Variants in GLRA2 observed in about 807,000 individuals in gnomAD.
The protein encoded by GLRA2 is glycine receptor alpha 2, also known as glycine receptor subunit alpha-2.
In GLRA2, 11 loss-of-function variants were observed where a neutral mutation model predicts 31.6. The observed-to-expected ratio is 0.35, with a 90% CI of 0.22 to 0.58. The LOEUF (loss-of-function observed/expected upper bound fraction) is 0.58. Ranked by LOEUF, GLRA2 falls within the 20% of genes least tolerant of loss-of-function variation. The pLI, the probability that GLRA2 is intolerant of heterozygous loss-of-function variation, is 0.84. For missense variants in GLRA2, 212 were observed against 351.8 expected (o/e 0.60, Z 3.18); for synonymous variants, 132 against 134.0 (o/e 0.99, Z 0.10).
the GLRA2 span, among the ~76,000 whole-genome samples, chrX:14,493,251 A>G: frequency 9.0e-6 from 1 of 110,499 alleles, no homozygotes; most frequent in Admixed American, 9.7e-5. Flanking sequence ...TTAAAATTTT[A>G]TTATTATTAT....
intron 4 of GLRA2, among the ~76,000 whole-genome samples, chrX:14,595,618 G>T (rs1376900206): frequency 9.0e-6 from 1 of 111,428 alleles, no homozygotes; most frequent in Non-Finnish European, 1.9e-5. Flanking sequence ...GGTACCTCAG[G>T]TTCAATTCAG....
At chrX:14,625,412 C>T (rs957536730) in intron 7 of GLRA2, among the ~76,000 whole-genome samples, 4 of 111,297 alleles carry the variant, frequency 3.6e-5, no homozygotes, top group Non-Finnish European at 5.7e-5. Context: ...GGTTATTTTG[C>T]TCGTTAGTTG....
chrX:14,576,069 A>AG (rs1163017720), intron 3 of GLRA2, among the ~76,000 whole-genome samples: 1 of 110,462 alleles, frequency 9.1e-6, no homozygotes, highest in Non-Finnish European at 1.9e-5. Flanking sequence ...AGAAGTAAAA[A>AG]AAAAAAAAAA....
At chrX:14,633,233 C>T (rs7060532) in intron 7 of GLRA2, among the ~76,000 whole-genome samples, 3,215 of 111,935 alleles carry the variant, frequency 0.029, 101 homozygotes, top group African/African-American at 0.091. Context: ...CAGCACCTCA[C>T]GCCTATAATC....
upstream of GLRA2, among the ~76,000 whole-genome samples, chrX:14,524,742 TTGTG>T (rs113079569): frequency 3.8e-4 from 40 of 105,226 alleles, no homozygotes; most frequent in African/African-American, 9.3e-4. Flanking sequence ...TTCAACATAT[TTGTG>T]TGTGTGTGTG....
the GLRA2 span, among the ~76,000 whole-genome samples, chrX:14,514,985 T>G: frequency 8.9e-6 from 1 of 111,738 alleles, no homozygotes; most frequent in South Asian, 3.7e-4. Context: ...TTGCATCTTA[T>G]ACTTTCATCT....
chrX:14,491,184 A>G, the GLRA2 span, among the ~76,000 whole-genome samples: 1 of 112,253 alleles, frequency 8.9e-6, no homozygotes, highest in Non-Finnish European at 1.9e-5. Context: ...TTTAAACATC[A>G]ATAATAAACA....
intron 7 of GLRA2, among the ~76,000 whole-genome samples, chrX:14,637,356 G>A (rs996390384): frequency 8.9e-6 from 1 of 112,312 alleles, no homozygotes. Flanking sequence ...AAGAAAAGGC[G>A]CTTCTCCCAG....
intron 7 of GLRA2, among the ~76,000 whole-genome samples, chrX:14,627,266 C>T (rs2090598710): frequency 9.0e-6 from 1 of 111,453 alleles, no homozygotes; most frequent in African/African-American, 3.3e-5. Flanking sequence ...ATGTGCCAGA[C>T]CTGCTTCTAA....
intron 7 of GLRA2, among the ~76,000 whole-genome samples, chrX:14,615,203 C>G (rs887301521): frequency 1.8e-5 from 2 of 111,911 alleles, no homozygotes; most frequent in Admixed American, 1.9e-4. Flanking sequence ...CAGCACAACA[C>G]CTGGTTCACA....
upstream of GLRA2, among the ~76,000 whole-genome samples, chrX:14,527,816 T>A (rs2089198698): frequency 1.8e-5 from 2 of 111,377 alleles, no homozygotes; most frequent in Non-Finnish European, 3.8e-5. Context: ...TTTATATATT[T>A]TTTTGGGTCA....
At chrX:14,715,770 C>T (rs1706189679) in intron 8 of GLRA2, among the ~76,000 whole-genome samples, 3 of 111,425 alleles carry the variant, frequency 2.7e-5, no homozygotes, top group Admixed American at 1.9e-4. Context: ...AGGTGTAAGG[C>T]AGGACATGGG....
At chrX:14,554,684 C>A (rs971881985) in intron 2 of GLRA2, among the ~76,000 whole-genome samples, 11 of 111,437 alleles carry the variant, frequency 9.9e-5, no homozygotes, top group Non-Finnish European at 1.7e-4. Context: ...TTATTTAACT[C>A]ATTAGTCAAT....
intron 8 of GLRA2, among the ~76,000 whole-genome samples, chrX:14,715,073 G>GA (rs748814175): frequency 8.9e-6 from 1 of 111,903 alleles, no homozygotes; most frequent in Non-Finnish European, 1.9e-5. Context: ...ATACATAAAT[G>GA]AAAAAAAGTC....
intron 8 of GLRA2, among the ~76,000 whole-genome samples, chrX:14,699,628 C>A (rs1016390337): frequency 8.9e-6 from 1 of 111,794 alleles, no homozygotes; most frequent in Non-Finnish European, 1.9e-5. Context: ...TTATCATTAA[C>A]GATTTTCACC....
At position 14,530,037 on chromosome X, in the gene GLRA2, A is replaced by G. The variant is rs761726603; in HGVS notation, c.-21A>G. 9.5e-6 allele frequency: 11 copies of G among 1,152,014 alleles called. No individual in the cohort carries two copies. The highest frequency in any genetic ancestry group is 1.2e-5 in the Non-Finnish European group (10 of 840,746). 94.9% of individuals were successfully genotyped at this position (1,152,014 alleles called of 1,213,427 possible). On this transcript the variant is annotated 5_prime_UTR_variant, in exon 1 of 9. Transcript: ENST00000218075. ...CTGGAATCATTTCGGGATATTTTCC[A>G]CAAGCAACACAGAAACAGGAATGAA...
the GLRA2 span, among the ~76,000 whole-genome samples, chrX:14,489,390 A>G: frequency 1.8e-5 from 2 of 111,623 alleles, no homozygotes; most frequent in Non-Finnish European, 3.8e-5. Context: ...TAATTCAGCT[A>G]AAGATGGGGT....
intron 4 of GLRA2, among the ~76,000 whole-genome samples, chrX:14,592,410 C>T (rs377245982): frequency 9.0e-6 from 1 of 111,359 alleles, no homozygotes; most frequent in South Asian, 3.8e-4. Flanking sequence ...GTGGCTCACA[C>T]CTGCAATCTT....
the GLRA2 span, among the ~76,000 whole-genome samples, chrX:14,491,300 C>T: frequency 1.8e-5 from 2 of 111,473 alleles, no homozygotes; most frequent in Admixed American, 1.9e-4. Context: ...GTTTTGCCAT[C>T]TATGATTGCA....
Sources: allele counts gnomAD v4.1 joint callset (sites outside exome capture counted in the v4.1 genomes callset), GRCh38; gene constraint gnomAD v4.1.1; transcripts MANE v1.5; gene names NCBI Gene and HGNC (gene_info 2026-07-23, HGNC 2026-07-21).